Variants in DAP observed in about 807,000 individuals in gnomAD.
The protein encoded by DAP is death-associated protein 1.
In DAP, 8 loss-of-function variants were observed where a neutral mutation model predicts 13.8. The ratio of observed to expected loss-of-function variants is 0.58; its 90% CI spans 0.34 to 1.05. The LOEUF is 1.05. DAP is among the 50% of genes least tolerant of loss of function. The pLI, the probability that DAP is intolerant of heterozygous loss-of-function variation, is 0.03. For missense variants in DAP, 106 were observed against 133.2 expected, an observed-to-expected ratio of 0.80 and a Z score of 1.01; for synonymous variants, 47 against 47.5, an observed-to-expected ratio of 0.99 and a Z score of 0.04.
chr5:10,707,563 C>T lies in DAP; in HGVS notation c.153-23992G>A, dbSNP rs745312699. On this transcript the variant is annotated intron_variant, in intron 2 of 3. Coordinates refer to ENST00000230895, the MANE Select transcript of DAP (RefSeq NM_004394.3). This position sits in a 1 kb window ranked among gnomAD's most constrained non-coding sequence, Gnocchi z 4.0. The stretch of plus-strand genomic sequence containing the variant: ...TGTGATGCAGGGGTGGTGTGATTTG[C>T]GATCAGTGTGGTGCACAGGCAGTGT... 2.7e-5 allele frequency among the ~76,000 whole-genome samples: 4 copies of T among 150,780 alleles called. No homozygotes were observed. The highest frequency in any genetic ancestry group is 4.9e-5 in the African/African-American group (2 of 40,860).
chr5:10,679,733 G>C lies in DAP; in HGVS notation c.*1323C>G, dbSNP rs1267771991. On this transcript the variant is annotated 3_prime_UTR_variant, in exon 4 of 4. Coordinates refer to ENST00000230895, the MANE Select transcript of DAP (RefSeq NM_004394.3). ...TGTGAGGCTGTGCCATGCTCCCTCA[G>C]GGAGGAGGGGCGCTGGGTCTGACCA... The C allele has an allele frequency of 2.0e-5, 3 of 152,476 alleles. No individual in the cohort carries two copies. The highest frequency in any genetic ancestry group is 2.9e-5 in the Non-Finnish European group (2 of 68,116). 9.4% of individuals were successfully genotyped at this position (152,476 alleles called of 1,614,324 possible).
At chr5:10,746,205 T>C (rs1422814957) in intron 2 of DAP, among the ~76,000 whole-genome samples, 2 of 152,176 alleles carry the variant, frequency 1.3e-5, no homozygotes, top group Non-Finnish European at 2.9e-5. Context: ...CATTCTAAAA[T>C]ACGTCGGGCC....
intron 2 of DAP, among the ~76,000 whole-genome samples, chr5:10,696,703 C>T (rs535588361): frequency 6.6e-6 from 1 of 152,328 alleles, no homozygotes; most frequent in African/African-American, 2.4e-5. Context: ...TCTTCTAAAG[C>T]ATAACACTTC....
chr5:10,703,940 A>G (rs1738640753), intron 2 of DAP, among the ~76,000 whole-genome samples: 1 of 152,186 alleles, frequency 6.6e-6, no homozygotes. Flanking sequence ...AGCGGTGAAG[A>G]GGGGGAGAAT....
chr5:10,704,760 G>A (rs1050687544), intron 2 of DAP, among the ~76,000 whole-genome samples: 2 of 152,070 alleles, frequency 1.3e-5, no homozygotes, highest in African/African-American at 2.4e-5. Flanking sequence ...TCTAGAGCCC[G>A]TTGCCTGTGA....
At chr5:10,690,878 T>C (rs1579786287) in intron 2 of DAP, among the ~76,000 whole-genome samples, 1 of 152,236 alleles carries the variant, frequency 6.6e-6, no homozygotes, top group Non-Finnish European at 1.5e-5. Context: ...ACAGCGGCTG[T>C]TCCATTTTAG....
intron 2 of DAP, among the ~76,000 whole-genome samples, chr5:10,711,474 G>A (rs1579799049): frequency 6.6e-6 from 1 of 152,200 alleles, no homozygotes; most frequent in Non-Finnish European, 1.5e-5. Flanking sequence ...CCTAATGACT[G>A]CCCCCACACT....
chr5:10,741,760 C>T (rs1004213780), intron 2 of DAP, among the ~76,000 whole-genome samples: 1 of 152,234 alleles, frequency 6.6e-6, no homozygotes, highest in South Asian at 2.1e-4. Context: ...GTAGCACCTT[C>T]GTGGTCATTC....
Position 10,680,453 on chromosome 5 carries a change from A to C in DAP, c.*603T>G. The stretch of plus-strand genomic sequence containing the variant: ...CATTCTTTGGCATGTTGACTCCTGG[A>C]ATTGAGGGGCTATTTCTAAGATGCA... On this transcript the variant is annotated 3_prime_UTR_variant, in exon 4 of 4. Coordinates refer to ENST00000230895, the MANE Select transcript of DAP (RefSeq NM_004394.3). 2.1e-6 allele frequency: 1 copy of C among 468,576 alleles called. No homozygotes were observed. Among genetic ancestry groups the C allele is most frequent in the Non-Finnish European group, 3.8e-6 (1 of 264,284 alleles). 29.0% of individuals were successfully genotyped at this position (468,576 alleles called of 1,614,324 possible).
At chr5:10,746,795 T>C (rs1156974988) in intron 2 of DAP, among the ~76,000 whole-genome samples, 2 of 152,234 alleles carry the variant, frequency 1.3e-5, no homozygotes, top group African/African-American at 2.4e-5. Context: ...TAACTCATAC[T>C]GTATCAGGTT....
intron 1 of DAP, among the ~76,000 whole-genome samples, chr5:10,749,487 T>C (rs189237196): frequency 4.9e-4 from 75 of 152,306 alleles, no homozygotes; most frequent in Admixed American, 9.2e-4. Context: ...TTTTTAATTA[T>C]AGCCATCCTA....
chr5:10,706,597 CTTG>C (rs1157675181), intron 2 of DAP, among the ~76,000 whole-genome samples: 2 of 152,298 alleles, frequency 1.3e-5, no homozygotes, highest in South Asian at 2.1e-4. Flanking sequence ...CAGAGATGGA[CTTG>C]TTAAGACAAA....
chr5:10,719,508 T>C (rs1739081726), intron 2 of DAP, among the ~76,000 whole-genome samples: 1 of 152,170 alleles, frequency 6.6e-6, no homozygotes, highest in African/African-American at 2.4e-5. Flanking sequence ...TACTCTCCTT[T>C]TGAGAGACAG....
Position 10,712,649 on chromosome 5 carries a change from G to A in DAP, c.153-29078C>T, listed in dbSNP as rs113080540. ...AGACTGGGCAGGGCCTTAAATGACC[G>A]GTTACAAAGGGCAGGAACCCACAGG... On this transcript the variant is annotated intron_variant, in intron 2 of 3. Transcript: ENST00000230895. 8.7e-3 allele frequency among the ~76,000 whole-genome samples: 1,323 copies of A among 152,238 alleles called. 20 individuals carry two copies. Among genetic ancestry groups the A allele is most frequent in the African/African-American group, 0.03 (1,240 of 41,522 alleles).
rs374766874 is a variant in DAP, at chr5:10,737,385, C to A, written c.152+10790G>T. ...AACAAAAACAAAACAACAACAACAA[C>A]AAAAAAAACTGGAGCTGAGAGCTGG... On this transcript the variant is annotated intron_variant, in intron 2 of 3. Coordinates refer to ENST00000230895, the MANE Select transcript of DAP (RefSeq NM_004394.3). Among the ~76,000 whole-genome samples, 496 of 149,118 alleles carry A rather than the reference C, an allele frequency of 3.3e-3. 2 individuals carry two copies. Among genetic ancestry groups the A allele is most frequent in the African/African-American group, 9.8e-3 (397 of 40,658 alleles).
chr5:10,756,299 GAC>G (rs1740179949), intron 1 of DAP, among the ~76,000 whole-genome samples: 1 of 106,646 alleles, frequency 9.4e-6, no homozygotes, highest in Admixed American at 9.0e-5. Flanking sequence ...TTCTGGTCCT[GAC>G]TGGTTGACAC....
intron 2 of DAP, among the ~76,000 whole-genome samples, chr5:10,743,608 G>A (rs962437046): frequency 6.6e-6 from 1 of 152,090 alleles, no homozygotes; most frequent in African/African-American, 2.4e-5. Flanking sequence ...GCAAATGTTT[G>A]ACATTAAACT....
intron 2 of DAP, among the ~76,000 whole-genome samples, chr5:10,737,975 T>C (rs1246448982): frequency 6.6e-6 from 1 of 152,170 alleles, no homozygotes; most frequent in African/African-American, 2.4e-5. Flanking sequence ...AGAAACCATG[T>C]AAAGGCACAG....
intron 2 of DAP, among the ~76,000 whole-genome samples, chr5:10,695,268 C>T (rs3797115): frequency 0.062 from 9,491 of 152,246 alleles, 482 homozygotes; most frequent in East Asian, 0.19. Context: ...CGCGAACGCT[C>T]CGGCCAGCTC....
Sources: allele counts gnomAD v4.1 joint callset (sites outside exome capture counted in the v4.1 genomes callset), GRCh38; gene constraint gnomAD v4.1.1; non-coding constraint Gnocchi (gnomAD v3.1); transcripts MANE v1.5; gene names NCBI Gene and HGNC (gene_info 2026-07-23, HGNC 2026-07-21).